The following ESRRG variants were observed in gnomAD, a reference collection of about 807,000 sequenced individuals.
ESRRG encodes the protein estrogen related receptor gamma.
A neutral mutation model predicts 44.0 loss-of-function variants in ESRRG; 13 were observed. That is an observed-to-expected ratio of 0.30 (90% CI 0.19 to 0.47). The LOEUF (loss-of-function observed/expected upper bound fraction) is 0.47, where lower values mean the gene tolerates loss of function less well. ESRRG is among the 20% of genes least tolerant of loss of function. The pLI, the probability that ESRRG is intolerant of heterozygous loss-of-function variation, is 1.00. For missense variants in ESRRG, 395 were observed against 580.6 expected, an observed-to-expected ratio of 0.68 and a Z score of 3.29; for synonymous variants, 215 against 214.6, an observed-to-expected ratio of 1.00 and a Z score of -0.02.
chr1:216,744,161 G>A (rs1463078886), intron 2 of ESRRG, among the ~76,000 whole-genome samples: 6 of 152,088 alleles, frequency 3.9e-5, no homozygotes, highest in Non-Finnish European at 7.4e-5. Context: ...AACCATGAGG[G>A]AGTAAGAAAT....
chr1:217,013,347 T>C (rs762552628), intron 1 of ESRRG, among the ~76,000 whole-genome samples: 1 of 152,196 alleles, frequency 6.6e-6, no homozygotes, highest in African/African-American at 2.4e-5. Context: ...GAAGACTGCA[T>C]TACACTAATG....
chr1:217,006,517 A>G (rs1214025566), intron 1 of ESRRG, among the ~76,000 whole-genome samples: 4 of 152,108 alleles, frequency 2.6e-5, no homozygotes, highest in Non-Finnish European at 5.9e-5. Flanking sequence ...GATTAATTTT[A>G]ACTATAGGTT....
At chr1:216,896,836 A>G (rs1388652491) in intron 2 of ESRRG, among the ~76,000 whole-genome samples, 1 of 152,174 alleles carries the variant, frequency 6.6e-6, no homozygotes, top group Non-Finnish European at 1.5e-5. Context: ...CTCTCACTTT[A>G]CAGGCATATT....
At chr1:216,694,788 C>G (rs905456379) in intron 1 of ESRRG, among the ~76,000 whole-genome samples, 1 of 152,050 alleles carries the variant, frequency 6.6e-6, no homozygotes, top group African/African-American at 2.4e-5. Flanking sequence ...AACTCCTGGA[C>G]TCAAGTAATC....
intron 2 of ESRRG, among the ~76,000 whole-genome samples, chr1:216,929,332 A>G (rs2063013447): frequency 6.6e-6 from 1 of 152,064 alleles, no homozygotes; most frequent in Admixed American, 6.6e-5. Flanking sequence ...CTCTGTGACA[A>G]GTACAATACT....
chr1:216,759,730 A>G (rs558799231), intron 2 of ESRRG, among the ~76,000 whole-genome samples: 4 of 152,250 alleles, frequency 2.6e-5, no homozygotes, highest in Non-Finnish European at 2.9e-5. Flanking sequence ...TATACCTACT[A>G]TACTAATAGA....
intron 1 of ESRRG, among the ~76,000 whole-genome samples, chr1:217,045,677 A>G (rs576994886): frequency 1.6e-3 from 248 of 152,178 alleles, no homozygotes; most frequent in African/African-American, 5.7e-3. Context: ...GGCCATGTTA[A>G]CCGGGCTTTT....
intron 1 of ESRRG, among the ~76,000 whole-genome samples, chr1:217,040,345 T>C (rs1029401217): frequency 9.2e-5 from 14 of 152,132 alleles, no homozygotes; most frequent in African/African-American, 3.4e-4. Flanking sequence ...TGTCTCCCTG[T>C]CTACAGTCCA....
intron 2 of ESRRG, among the ~76,000 whole-genome samples, chr1:216,753,983 G>T (rs2092277265): frequency 1.3e-5 from 2 of 152,042 alleles, no homozygotes; most frequent in African/African-American, 2.4e-5. Context: ...TCCACTCAGT[G>T]TTATCAACTC....
chr1:216,771,816 G>GTTTTT lies in ESRRG; in HGVS notation c.-13-94330_-13-94326dup, dbSNP rs72464828. Among the ~76,000 whole-genome samples, 12 of 128,134 alleles carry GTTTTT rather than the reference G, an allele frequency of 9.4e-5. 1 individual carries two copies. The highest frequency in any genetic ancestry group is 1.7e-4 in the African/African-American group (6 of 34,386). The allele number at this position is 128,134 out of a possible 152,430, so 84.1% of individuals were successfully genotyped here. The stretch of plus-strand genomic sequence containing the variant: ...GTATTTTTATTTTTAAGTTTGTGGT[G>GTTTTT]TTTTTTTTTTTTTTTTTTGAAAGAC... On this transcript the variant is annotated intron_variant, in intron 2 of 7. Transcript: ENST00000359162.
At chr1:216,870,379 A>T (rs2096243189) in intron 2 of ESRRG, among the ~76,000 whole-genome samples, 1 of 150,586 alleles carries the variant, frequency 6.6e-6, no homozygotes, top group Non-Finnish European at 1.5e-5. Flanking sequence ...TCTTCATTTG[A>T]TTTGCTAGTA....
At chr1:217,105,319 C>T (rs2092575747) in intron 1 of ESRRG, among the ~76,000 whole-genome samples, 2 of 152,138 alleles carry the variant, frequency 1.3e-5, no homozygotes. Flanking sequence ...CAGGCATGTG[C>T]TAAGTCCTTC....
intron 2 of ESRRG, among the ~76,000 whole-genome samples, chr1:216,922,957 A>G (rs768228934): frequency 6.6e-6 from 1 of 151,054 alleles, no homozygotes; most frequent in Admixed American, 6.6e-5. Flanking sequence ...TTTATTAAAG[A>G]TAACTATGCC....
At chr1:216,526,042 C>G (rs6604628) in intron 5 of ESRRG, among the ~76,000 whole-genome samples, 14,253 of 152,156 alleles carry the variant, frequency 0.094, 754 homozygotes, top group African/African-American at 0.12. Flanking sequence ...TCTCCACAAG[C>G]CTTTAAAGAG....
chr1:216,560,170 A>G (rs976744134), intron 5 of ESRRG, among the ~76,000 whole-genome samples: 2 of 152,178 alleles, frequency 1.3e-5, no homozygotes, highest in Middle Eastern at 3.2e-3. Context: ...GTTTTCTTTT[A>G]GAGTTTAATA....
At chr1:216,778,252 C>T (rs903808119) in intron 2 of ESRRG, among the ~76,000 whole-genome samples, 4 of 151,898 alleles carry the variant, frequency 2.6e-5, no homozygotes, top group African/African-American at 7.2e-5. Flanking sequence ...CAGTGGATCC[C>T]GCCAGGAGCT....
At chr1:216,658,183 G>A (rs1040665424) in intron 2 of ESRRG, among the ~76,000 whole-genome samples, 3 of 152,184 alleles carry the variant, frequency 2.0e-5, no homozygotes, top group South Asian at 4.1e-4. Context: ...ACCTCCCTGT[G>A]CAAAATTTCT....
intron 2 of ESRRG, among the ~76,000 whole-genome samples, chr1:216,673,384 T>C (rs1398437819): frequency 6.6e-6 from 1 of 152,230 alleles, no homozygotes; most frequent in African/African-American, 2.4e-5. Context: ...GTGTGATGTC[T>C]GATGATGTAG....
chr1:216,900,620 T>C (rs1341639771), intron 2 of ESRRG, among the ~76,000 whole-genome samples: 3 of 152,196 alleles, frequency 2.0e-5, no homozygotes, highest in African/African-American at 4.8e-5. Flanking sequence ...AACTTTTATA[T>C]GAAGAGTCAG....
Sources: gnomAD v4.1 joint callset for allele counts (sites outside exome capture counted in the v4.1 genomes callset) on GRCh38, gnomAD v4.1.1 for gene constraint, MANE v1.5 for transcripts, NCBI Gene and HGNC (gene_info 2026-07-23, HGNC 2026-07-21) for gene names.